The following DNAH14 variants were observed in gnomAD, a reference collection of about 807,000 sequenced individuals.
The protein encoded by DNAH14 is axonemal beta dynein heavy chain 14.
A neutral mutation model predicts 520.9 loss-of-function variants in DNAH14; 478 were observed. The observed-to-expected ratio is 0.92, with a 90% CI of 0.85 to 0.99. DNAH14 has a LOEUF of 0.99. DNAH14 is among the 50% of genes least tolerant of loss of function. DNAH14 has a pLI of 0.00. For synonymous variants in DNAH14, 1,581 were observed against 1,757.2 expected (o/e 0.90, Z 2.51); for missense variants, 4,831 against 5,234.5 (o/e 0.92, Z 2.38).
chr1:224,983,999 A>G (rs2062451323), intron 8 of DNAH14, among the ~76,000 whole-genome samples: 1 of 152,164 alleles, frequency 6.6e-6, no homozygotes, highest in African/African-American at 2.4e-5. Flanking sequence ...CCCAATCCCC[A>G]CCAAAATACC....
intron 1 of DNAH14, among the ~76,000 whole-genome samples, chr1:224,944,061 TG>T (rs1314667916): frequency 2.0e-5 from 3 of 152,204 alleles, no homozygotes; most frequent in Non-Finnish European, 1.5e-5. Context: ...GTTAACTTTC[TG>T]TCTTGTTGAT....
intron 21 of DNAH14, among the ~76,000 whole-genome samples, chr1:225,096,456 C>G (rs1044117492): frequency 2.0e-5 from 3 of 152,136 alleles, no homozygotes; most frequent in African/African-American, 7.2e-5. Context: ...AGGGGATGGA[C>G]AAGTCCACTG....
intron 35 of DNAH14, among the ~76,000 whole-genome samples, chr1:225,166,672 C>CT (rs1431290058): frequency 6.6e-6 from 1 of 152,178 alleles, no homozygotes; most frequent in Non-Finnish European, 1.5e-5. Context: ...ATTTAATAGG[C>CT]AATTGTGATC....
rs200310916 is a variant in DNAH14 at position 225,324,779 on chromosome 1, G to T, written c.9670G>T (p.Val3224Phe). 20 of 1,551,296 alleles carry T rather than the reference G, an allele frequency of 1.3e-5. No individual in the cohort carries two copies. Among genetic ancestry groups the T allele is most frequent in the Admixed American group, 3.9e-5 (2 of 50,964 alleles). ...KQIQVAEAQN[V>F]LKIARQRLAE... ...AATCCAAGTAGCTGAAGCTCAAAAC[G>T]TCCTTAAAATTGCGCGACAAAGACT... The change falls in exon 64 of 86, where the codon GTC becomes TTC. Residue 3224 changes from valine (V) to phenylalanine (F), a missense_variant. By Grantham distance (50) the Val-to-Phe change is conservative. Coordinates refer to ENST00000682510, the MANE Select transcript of DNAH14 (RefSeq NM_001367479.1).
intron 35 of DNAH14, among the ~76,000 whole-genome samples, chr1:225,167,674 G>A (rs946286868): frequency 6.6e-6 from 1 of 152,154 alleles, no homozygotes; most frequent in Non-Finnish European, 1.5e-5. Context: ...TAAATGTTAA[G>A]CAATGGGTTC....
intron 10 of DNAH14, among the ~76,000 whole-genome samples, chr1:225,022,953 A>G (rs2065827069): frequency 6.6e-6 from 1 of 152,206 alleles, no homozygotes; most frequent in Non-Finnish European, 1.5e-5. Context: ...AGCATGATGC[A>G]GCTGGAGGTC....
intron 11 of DNAH14, among the ~76,000 whole-genome samples, chr1:225,027,296 T>C (rs1185431174): frequency 2.6e-5 from 4 of 152,102 alleles, no homozygotes; most frequent in Admixed American, 2.6e-4. Flanking sequence ...CAGTGTTGAT[T>C]AGGAATGGTG....
chr1:225,051,047 C>T (rs1038116678), intron 16 of DNAH14, among the ~76,000 whole-genome samples: 9 of 152,122 alleles, frequency 5.9e-5, no homozygotes, highest in East Asian at 1.9e-4. Context: ...CACCACTCAC[C>T]GCCTGCTGTG....
intron 42 of DNAH14, among the ~76,000 whole-genome samples, chr1:225,231,837 T>G (rs1165446438): frequency 1.3e-5 from 2 of 152,194 alleles, no homozygotes; most frequent in African/African-American, 4.8e-5. Flanking sequence ...CCCCAATTTT[T>G]TCCTGCTCAT....
chr1:225,308,278 T>C lies in DNAH14; in HGVS notation c.9115-7T>C. 1 of 1,533,418 alleles carries C rather than the reference T, an allele frequency of 6.5e-7. No individual in the cohort carries two copies. Among genetic ancestry groups the C allele is most frequent in the Non-Finnish European group, 8.8e-7 (1 of 1,142,536 alleles). The allele number at this position is 1,533,418 out of a possible 1,614,324, so 95.0% of individuals were successfully genotyped here. On this transcript the variant is annotated splice_polypyrimidine_tract_variant and splice_region_variant and intron_variant, in intron 59 of 85. Transcript: ENST00000682510. ...TTCATTCTAAGAACAATTATGTGCT[T>C]CATTAGGAAACAGAAACTCTAATGG...
chr1:225,071,589 C>T (rs1478995865), intron 17 of DNAH14, among the ~76,000 whole-genome samples: 2 of 152,120 alleles, frequency 1.3e-5, no homozygotes, highest in African/African-American at 2.4e-5. Flanking sequence ...GTGACCTGGC[C>T]TTTCTAGCTG....
At chr1:225,122,070 A>G (rs1160364924) in intron 26 of DNAH14, among the ~76,000 whole-genome samples, 1 of 152,066 alleles carries the variant, frequency 6.6e-6, no homozygotes, top group Non-Finnish European at 1.5e-5. Flanking sequence ...TGATTCCAAA[A>G]AGATTAAAAT....
At chr1:224,969,416 T>G (rs2061374319) in intron 7 of DNAH14, 1 of 157,224 alleles carries the variant, frequency 6.4e-6, no homozygotes, top group Non-Finnish European at 1.4e-5. Flanking sequence ...ATCAGTAACA[T>G]AAACAATCAA....
chr1:225,080,804 G>A, intron 19 of DNAH14, 56 bp downstream of exon 19: 1 of 1,454,644 alleles, frequency 6.9e-7, no homozygotes, highest in South Asian at 1.5e-5. Context: ...AATGGCCTTT[G>A]GACATCAAGA....
At chr1:224,947,976 A>G (rs1255738246) in intron 1 of DNAH14, among the ~76,000 whole-genome samples, 1 of 152,056 alleles carries the variant, frequency 6.6e-6, no homozygotes, top group African/African-American at 2.4e-5. Context: ...ACTATGCCAT[A>G]TGTGCTTAAA....
chr1:225,052,304 A>G (rs2068615843), intron 17 of DNAH14, among the ~76,000 whole-genome samples: 1 of 152,138 alleles, frequency 6.6e-6, no homozygotes, highest in African/African-American at 2.4e-5. Context: ...GAGATTCCCA[A>G]GCTGAGAAAG....
intron 57 of DNAH14, among the ~76,000 whole-genome samples, chr1:225,304,528 G>T (rs768530626): frequency 1.3e-5 from 2 of 152,056 alleles, no homozygotes; most frequent in African/African-American, 4.8e-5. Flanking sequence ...CTGCACTTTG[G>T]CCTGGACAAA....
intron 82 of DNAH14, among the ~76,000 whole-genome samples, chr1:225,388,719 C>A (rs1379969880): frequency 6.6e-6 from 1 of 152,136 alleles, no homozygotes; most frequent in Admixed American, 6.5e-5. Flanking sequence ...CAACATAGTA[C>A]ATTTCTCTTT....
chr1:225,259,947 A>T (rs1213642020), intron 46 of DNAH14, among the ~76,000 whole-genome samples: 3 of 152,180 alleles, frequency 2.0e-5, no homozygotes, highest in African/African-American at 7.2e-5. Context: ...GAATCTGTGT[A>T]TATATGCACA....
Sources: gnomAD v4.1 joint callset for allele counts (sites outside exome capture counted in the v4.1 genomes callset) on GRCh38, gnomAD v4.1.1 for gene constraint, MANE v1.5 for transcripts, NCBI Gene and HGNC (gene_info 2026-07-23, HGNC 2026-07-21) for gene names.